Variants in CCDC60 observed in about 807,000 individuals in gnomAD.
CCDC60 encodes the protein coiled-coil domain containing 60.
In CCDC60, 54 loss-of-function variants were observed where a neutral mutation model predicts 63.5. The observed-to-expected ratio is 0.85, with a 90% CI of 0.68 to 1.07. CCDC60 has a LOEUF of 1.07. Among genes scored for constraint, CCDC60 ranks in the 50% least tolerant of loss-of-function variants. CCDC60 has a pLI of 0.00. For missense variants in CCDC60, 651 were observed against 684.3 expected (o/e 0.95, Z 0.54); for synonymous variants, 206 against 238.8 (o/e 0.86, Z 1.27).
chr12:119,358,000 A>G lies in CCDC60; in HGVS notation c.90+22734A>G, dbSNP rs116021998. On this transcript the variant is annotated intron_variant, in intron 1 of 13. Coordinates refer to ENST00000327554, the MANE Select transcript of CCDC60 (RefSeq NM_178499.5). ...GCATGTCTTACACAGCAGGAGCAAG[A>G]ACAAAAGAAAGTGGGGGGCAAGGCG... Among the ~76,000 whole-genome samples, 1,225 of 152,224 alleles carry G rather than the reference A, an allele frequency of 8.0e-3. 15 individuals are homozygous for G. Among genetic ancestry groups the G allele is most frequent in the African/African-American group, 0.028 (1,167 of 41,522 alleles).
Position 119,505,159 on chromosome 12 carries a change from G to C in CCDC60, c.739G>C (p.Gly247Arg), listed in dbSNP as rs1483935139. ...STLSLSRASG[G>R]SSPQSSMISV... ...ACTCAGTCTGAGTCGGGCCAGTGGG[G>C]GGTCCTCTCCCCAGAGCAGCATGAT... Residue 247 changes from glycine (G) to arginine (R), a missense_variant, in exon 7 of 14, where the codon GGG becomes CGG. Coordinates refer to ENST00000327554, the MANE Select transcript of CCDC60 (RefSeq NM_178499.5). 3 of 1,613,954 alleles carry C rather than the reference G, an allele frequency of 1.9e-6. No homozygotes were observed. The highest frequency in any genetic ancestry group is 1.1e-5 in the South Asian group (1 of 91,082).
chr12:119,353,758 C>A (rs1346837464), intron 1 of CCDC60, among the ~76,000 whole-genome samples: 1 of 152,064 alleles, frequency 6.6e-6, no homozygotes. Flanking sequence ...CAGGTGCCCA[C>A]CACCACACCC....
At chr12:119,378,777 A>G (rs186603940) in intron 1 of CCDC60, among the ~76,000 whole-genome samples, 7 of 152,340 alleles carry the variant, frequency 4.6e-5, no homozygotes, top group Non-Finnish European at 1.0e-4. Context: ...ACAAGCCTAT[A>G]TAGTATCACA....
intron 1 of CCDC60, among the ~76,000 whole-genome samples, chr12:119,381,189 A>G (rs1203698462): frequency 1.3e-5 from 2 of 152,176 alleles, no homozygotes; most frequent in Admixed American, 6.5e-5. Flanking sequence ...CCCCATGACC[A>G]GCACCATATT....
At chr12:119,408,601 A>G (rs1956536363) in intron 1 of CCDC60, among the ~76,000 whole-genome samples, 1 of 152,206 alleles carries the variant, frequency 6.6e-6, no homozygotes, top group South Asian at 2.1e-4. Context: ...AGGTGGGTGG[A>G]TCACGAGGTC....
intron 2 of CCDC60, among the ~76,000 whole-genome samples, chr12:119,450,426 T>G (rs565534440): frequency 6.6e-6 from 1 of 152,282 alleles, no homozygotes; most frequent in African/African-American, 2.4e-5. Context: ...TTTTAAAAAT[T>G]TTTAAAATAA....
At chr12:119,406,717 G>A (rs1358390282) in intron 1 of CCDC60, among the ~76,000 whole-genome samples, 2 of 151,576 alleles carry the variant, frequency 1.3e-5, no homozygotes, top group African/African-American at 4.8e-5. Context: ...AATTGGAGCT[G>A]CTTGGTTTTC....
chr12:119,386,791 A>T (rs1330097115), intron 1 of CCDC60, among the ~76,000 whole-genome samples: 2 of 152,296 alleles, frequency 1.3e-5, no homozygotes. Context: ...CAATTACGAA[A>T]CAGTCCGTGC....
chr12:119,519,437 G>GCA (rs1566058590), intron 8 of CCDC60, among the ~76,000 whole-genome samples: 15 of 141,076 alleles, frequency 1.1e-4, no homozygotes, highest in African/African-American at 2.9e-4. Context: ...GTGTGTGTGC[G>GCA]CGTGTGTGTG....
intron 2 of CCDC60, among the ~76,000 whole-genome samples, chr12:119,464,664 A>G (rs1165639996): frequency 1.3e-5 from 2 of 152,108 alleles, no homozygotes; most frequent in Non-Finnish European, 2.9e-5. Flanking sequence ...AGAGCTGCCC[A>G]CCATTAATGT....
chr12:119,368,599 T>C (rs187751846), intron 1 of CCDC60, among the ~76,000 whole-genome samples: 4 of 152,238 alleles, frequency 2.6e-5, no homozygotes, highest in Non-Finnish European at 4.4e-5. Context: ...GGGGAAACCA[T>C]CTGAAATTGG....
intron 7 of CCDC60, among the ~76,000 whole-genome samples, chr12:119,507,959 G>A (rs1006914726): frequency 6.6e-6 from 1 of 151,954 alleles, no homozygotes; most frequent in Non-Finnish European, 1.5e-5. Flanking sequence ...CTTGAGTCCA[G>A]GAATTTGAGA....
intron 1 of CCDC60, among the ~76,000 whole-genome samples, chr12:119,354,173 T>C (rs903463376): frequency 1.3e-5 from 2 of 152,182 alleles, no homozygotes; most frequent in African/African-American, 4.8e-5. Context: ...TTCTTAGTTC[T>C]TCCTATGCTT....
intron 2 of CCDC60, among the ~76,000 whole-genome samples, chr12:119,455,207 AG>A (rs1377378462): frequency 1.3e-5 from 2 of 152,262 alleles, no homozygotes; most frequent in African/African-American, 4.8e-5. Context: ...TAAAGAAGCT[AG>A]GCAAGTTGAT....
intron 2 of CCDC60, among the ~76,000 whole-genome samples, chr12:119,445,421 G>A (rs530856018): frequency 4.6e-4 from 37 of 80,630 alleles, no homozygotes; most frequent in African/African-American, 1.3e-3. Flanking sequence ...GTGACAGAGC[G>A]AGACTCCATC....
At chr12:119,459,750 G>C (rs779363906) in intron 2 of CCDC60, among the ~76,000 whole-genome samples, 3 of 152,180 alleles carry the variant, frequency 2.0e-5, no homozygotes, top group African/African-American at 4.8e-5. Context: ...AGTGCAAGAA[G>C]ATAAGCTTCA....
At position 119,516,690 on chromosome 12, in the gene CCDC60, G is replaced by A. The variant is rs1952363527; in HGVS notation, c.951G>A (p.Met317Ile). 1 of 1,612,478 alleles carries A rather than the reference G, an allele frequency of 6.2e-7. No individual in the cohort carries two copies. The highest frequency in any genetic ancestry group is 1.3e-5 in the African/African-American group (1 of 74,868). ...GGACAGTCACAATAGAAAATGGGAT[G>A]CAAAGAAAAGCACCCAGGTATGTGC... is the stretch of plus-strand genomic sequence containing the variant. ...ARRTVTIENG[M>I]QRKAPSILSV... Residue 317 changes from methionine to isoleucine, a missense_variant, in exon 8 of 14, where the codon ATG (methionine) becomes ATA (isoleucine). Coordinates refer to ENST00000327554, the MANE Select transcript of CCDC60 (RefSeq NM_178499.5).
At chr12:119,468,930 A>T (rs887154665) in intron 2 of CCDC60, among the ~76,000 whole-genome samples, 1 of 151,618 alleles carries the variant, frequency 6.6e-6, no homozygotes, top group Non-Finnish European at 1.5e-5. Flanking sequence ...AAATTTTTTT[A>T]AAAATTAAAA....
At chr12:119,418,777 C>G (rs1698960886) in intron 1 of CCDC60, among the ~76,000 whole-genome samples, 2 of 152,160 alleles carry the variant, frequency 1.3e-5, no homozygotes, top group Non-Finnish European at 2.9e-5. Context: ...ATAGCCTTGT[C>G]TCCAGTCCAG....
Sources: gnomAD v4.1 joint callset for allele counts (sites outside exome capture counted in the v4.1 genomes callset) on GRCh38, gnomAD v4.1.1 for gene constraint, MANE v1.5 for transcripts, NCBI Gene and HGNC (gene_info 2026-07-23, HGNC 2026-07-21) for gene names.